Variants in CADM1 observed in about 807,000 individuals in gnomAD.
The protein encoded by CADM1 is cell adhesion molecule 1.
A neutral mutation model predicts 53.1 loss-of-function variants in CADM1; 15 were observed. The ratio of observed to expected loss-of-function variants is 0.28; its 90% confidence interval spans 0.19 to 0.44. The LOEUF is 0.44. CADM1 is among the 20% of genes least tolerant of loss of function. The probability of loss-of-function intolerance (pLI) is 1.00; values close to 1 mark genes in which losing one functional copy is unlikely to be tolerated. For synonymous variants in CADM1, 281 were observed against 243.0 expected, an observed-to-expected ratio of 1.16 and a Z score of -1.45; for missense variants, 434 against 611.3, an observed-to-expected ratio of 0.71 and a Z score of 3.06.
At chr11:115,482,590 AT>A (rs1489975959) in intron 1 of CADM1, among the ~76,000 whole-genome samples, 1 of 152,204 alleles carries the variant, frequency 6.6e-6, no homozygotes, top group Non-Finnish European at 1.5e-5. Context: ...TCACAAGATG[AT>A]TTCATTTGTC....
chr11:115,439,691 G>C (rs79310201), intron 1 of CADM1, among the ~76,000 whole-genome samples: 1,754 of 152,298 alleles, frequency 0.012, 41 homozygotes, highest in African/African-American at 0.039. Flanking sequence ...GAAATTGTCA[G>C]GTCGACTTTA....
intron 1 of CADM1, among the ~76,000 whole-genome samples, chr11:115,290,105 T>C (rs1943848864): frequency 6.6e-6 from 1 of 152,066 alleles, no homozygotes; most frequent in Non-Finnish European, 1.5e-5. Context: ...CTTCAGTGAA[T>C]GTGGAATTAT....
chr11:115,283,422 T>C (rs2135085401), intron 1 of CADM1, among the ~76,000 whole-genome samples: 1 of 152,260 alleles, frequency 6.6e-6, no homozygotes, highest in Non-Finnish European at 1.5e-5. Flanking sequence ...CCAGCCATTT[T>C]CAAATTATAG....
intron 5 of CADM1, among the ~76,000 whole-genome samples, chr11:115,224,006 A>G (rs1312700588): frequency 6.7e-6 from 1 of 148,832 alleles, no homozygotes; most frequent in Non-Finnish European, 1.5e-5. Context: ...ACTGGAGATC[A>G]GAGAGAAACA....
chr11:115,283,747 C>T (rs937132700), intron 1 of CADM1, among the ~76,000 whole-genome samples: 8 of 152,164 alleles, frequency 5.3e-5, no homozygotes, highest in South Asian at 2.1e-4. Context: ...AAAGTGGGAT[C>T]GGTGCAGAAG....
chr11:115,500,131 A>G (rs1338598565), intron 1 of CADM1, among the ~76,000 whole-genome samples: 1 of 152,246 alleles, frequency 6.6e-6, no homozygotes, highest in Non-Finnish European at 1.5e-5. Flanking sequence ...AATGCCCAGC[A>G]TAATGGTCAA....
chr11:115,250,680 T>A (rs1476567062), intron 1 of CADM1, among the ~76,000 whole-genome samples: 1 of 152,240 alleles, frequency 6.6e-6, no homozygotes, highest in Non-Finnish European at 1.5e-5. Flanking sequence ...AGCTAATGTA[T>A]TTTTAAAATG....
chr11:115,240,614 A>T (rs146910806), intron 1 of CADM1, among the ~76,000 whole-genome samples, 194 bp from the exon 2 acceptor site: 1 of 152,268 alleles, frequency 6.6e-6, no homozygotes, highest in East Asian at 1.9e-4. Flanking sequence ...GACAAAATAC[A>T]ACTAAGCCTG....
intron 1 of CADM1, among the ~76,000 whole-genome samples, chr11:115,501,904 A>C (rs549912671): frequency 6.6e-6 from 1 of 152,002 alleles, no homozygotes; most frequent in East Asian, 1.9e-4. Context: ...CTCACCACGA[A>C]ATATATATAT....
chr11:115,265,108 C>G (rs1396411223), intron 1 of CADM1, among the ~76,000 whole-genome samples: 2 of 152,184 alleles, frequency 1.3e-5, no homozygotes, highest in Non-Finnish European at 2.9e-5. Flanking sequence ...TGGACTGCCT[C>G]CCACCTACCA....
chr11:115,301,497 G>A (rs1944220282), intron 1 of CADM1, among the ~76,000 whole-genome samples: 1 of 152,122 alleles, frequency 6.6e-6, no homozygotes, highest in South Asian at 2.1e-4. Context: ...AGAGTCTTTT[G>A]AGAGTGCATC....
At chr11:115,303,082 A>AG (rs1207012023) in intron 1 of CADM1, among the ~76,000 whole-genome samples, 1 of 152,190 alleles carries the variant, frequency 6.6e-6, no homozygotes, top group South Asian at 2.1e-4. Flanking sequence ...ATCCCCCAAA[A>AG]GGGGGGCAAC....
At chr11:115,226,940 C>G (rs1232384833) in intron 5 of CADM1, among the ~76,000 whole-genome samples, 5 of 152,166 alleles carry the variant, frequency 3.3e-5, no homozygotes, top group East Asian at 3.9e-4. Flanking sequence ...TTCTTGAGCA[C>G]AGAGAGCCTT....
At chr11:115,378,488 T>C (rs1015324659) in intron 1 of CADM1, among the ~76,000 whole-genome samples, 3 of 151,928 alleles carry the variant, frequency 2.0e-5, no homozygotes, top group African/African-American at 7.3e-5. Flanking sequence ...GAGCAAACCA[T>C]CAAAGAAGTA....
intron 1 of CADM1, among the ~76,000 whole-genome samples, chr11:115,404,117 G>T (rs1947236131): frequency 1.3e-5 from 2 of 148,248 alleles, no homozygotes; most frequent in African/African-American, 4.9e-5. Context: ...CTTGAGGTCA[G>T]ATGTTCGAGA....
intron 1 of CADM1, among the ~76,000 whole-genome samples, chr11:115,334,387 CT>C (rs1945209593): frequency 6.6e-6 from 1 of 151,994 alleles, no homozygotes; most frequent in African/African-American, 2.4e-5. Flanking sequence ...TAGTCCCCCC[CT>C]TATCTGTAGT....
chr11:115,261,084 T>TA (rs1319762180), intron 1 of CADM1, among the ~76,000 whole-genome samples: 1 of 151,360 alleles, frequency 6.6e-6, no homozygotes, highest in African/African-American at 2.4e-5. Flanking sequence ...GCCTGAGACT[T>TA]ACAAGCTGTA....
At chr11:115,201,410 T>C (rs1199836103) in intron 8 of CADM1, among the ~76,000 whole-genome samples, 3 of 152,194 alleles carry the variant, frequency 2.0e-5, no homozygotes, top group Non-Finnish European at 4.4e-5. Flanking sequence ...AATCTAATTC[T>C]CCTTCATAAT....
intron 1 of CADM1, among the ~76,000 whole-genome samples, chr11:115,498,676 GGCCTCT>G (rs1949672235): frequency 6.6e-6 from 1 of 152,180 alleles, no homozygotes; most frequent in Admixed American, 6.5e-5. Flanking sequence ...TAGCTTCTCT[GGCCTCT>G]GCCTTTGCTT....
Sources: allele counts gnomAD v4.1 joint callset (sites outside exome capture counted in the v4.1 genomes callset), GRCh38; gene constraint gnomAD v4.1.1; transcripts MANE v1.5; gene names NCBI Gene and HGNC (gene_info 2026-07-23, HGNC 2026-07-21).